Variants in HIF3A observed in about 807,000 individuals in gnomAD.
HIF3A encodes the protein hypoxia inducible factor 3 subunit alpha.
In HIF3A, 41 loss-of-function variants were observed where a neutral mutation model predicts 67.2. That is an observed-to-expected ratio of 0.61 (90% confidence interval 0.48 to 0.79). The LOEUF (loss-of-function observed/expected upper bound fraction) is 0.79. HIF3A is among the 30% of genes least tolerant of loss of function. The pLI, the probability that HIF3A is intolerant of heterozygous loss-of-function variation, is 0.00. For synonymous variants in HIF3A, 356 were observed against 374.8 expected, an observed-to-expected ratio of 0.95 and a Z score of 0.58; for missense variants, 855 against 898.0, an observed-to-expected ratio of 0.95 and a Z score of 0.61.
At chr19:46,330,032 G>A (rs1206155573) in intron 12 of HIF3A, among the ~76,000 whole-genome samples, 1 of 134,610 alleles carries the variant, frequency 7.4e-6, no homozygotes, top group Non-Finnish European at 1.6e-5. Context: ...AAGGAAAGAA[G>A]AAGGAAGGAA....
At chr19:46,320,664 C>G in intron 9 of HIF3A, 103 bp downstream of exon 9, 2 of 790,986 alleles carry the variant, frequency 2.5e-6, no homozygotes, top group South Asian at 3.3e-5. Context: ...GGACCTGCCT[C>G]CTGCCTCCCT....
rs562530564 is a variant in HIF3A, at chr19:46,321,834, C to T, written c.1203C>T (p.Ala401=). The change falls in exon 10 of 15, where the codon GCC becomes GCT. Residue 401 remains alanine (A), a synonymous_variant. Coordinates refer to ENST00000377670, the MANE Select transcript of HIF3A (RefSeq NM_152795.4). Reference sequence around the variant, plus strand: ...ACCCGCCTTCCCTGAGCGAGGCTGCCCTGGCCGCTGACCCCCGCCGTTTCT... The same window carrying T: ...ACCCGCCTTCCCTGAGCGAGGCTGCTCTGGCCGCTGACCCCCGCCGTTTCT... ...FLHPPSLSEA[A]LAADPRRFCS... 2 of 1,613,804 alleles carry T rather than the reference C, an allele frequency of 1.2e-6. No homozygotes were observed. Among genetic ancestry groups the T allele is most frequent in the East Asian group, 4.5e-5 (2 of 44,870 alleles).
chr19:46,304,160 GC>G, intron 2 of HIF3A, 72 bp downstream of exon 2: 1 of 1,377,434 alleles, frequency 7.3e-7, no homozygotes, highest in East Asian at 2.5e-5. Context: ...TCCCAGGGAG[GC>G]CCCTCCTCCG....
intron 3 of HIF3A, among the ~76,000 whole-genome samples, chr19:46,307,702 C>T (rs182364327): frequency 4.7e-5 from 7 of 150,156 alleles, no homozygotes; most frequent in East Asian, 2.0e-4. Flanking sequence ...GAGCTGAGAT[C>T]GCACCACTAC....
At chr19:46,325,178 G>T (rs1427394141) in intron 10 of HIF3A, among the ~76,000 whole-genome samples, 1 of 151,708 alleles carries the variant, frequency 6.6e-6, no homozygotes, top group Non-Finnish European at 1.5e-5. Context: ...TGTACTTTTA[G>T]TAGAGACAGG....
rs368305724 is a variant in HIF3A at position 46,330,293 on chromosome 19, A to G, written c.1712+815A>G. The stretch of plus-strand genomic sequence containing the variant: ...AATGGGTGGACAGGTGGATGGATGC[A>G]TAGGTCGATGGAAGGACAGATGGAT... On this transcript the variant is annotated intron_variant, in intron 12 of 14. Coordinates refer to ENST00000377670, the MANE Select transcript of HIF3A (RefSeq NM_152795.4). Among the ~76,000 whole-genome samples, 29 of 152,248 alleles carry G rather than the reference A, an allele frequency of 1.9e-4. No homozygotes were observed. In the South Asian group the frequency reaches 6.0e-3, roughly 32 times the overall value.
intron 8 of HIF3A, chr19:46,313,025 G>A (rs1012951365): frequency 2.5e-5 from 24 of 972,992 alleles, no homozygotes; most frequent in Non-Finnish European, 2.7e-5. Context: ...TGAGGTGGGC[G>A]GATTGCCTGA....
In HIF3A at chr19:46,308,678, A is replaced by T. The variant is rs147024241; in HGVS notation, c.464A>T (p.Lys155Met). 101 of 1,606,016 alleles carry T rather than the reference A, an allele frequency of 6.3e-5. No individual in the cohort carries two copies. In the African/African-American group the frequency reaches 1.2e-3, roughly 18 times the overall value. The change falls in exon 5 of 15, where the codon AAG becomes ATG. Residue 155 changes from lysine to methionine, a missense_variant. Lys to Met is a moderately conservative substitution (Grantham distance 95, BLOSUM62 -1). Transcript: ENST00000377670. ...LTPQQTLSRR[K>M]VEAPTERCFS... The stretch of plus-strand genomic sequence containing the variant: ...GCCTCCCCAGCCCTGTCCAGGAGGA[A>T]GGTGGAGGCCCCCACGGAGCGGTGC...
chr19:46,329,407 C>T lies in HIF3A; in HGVS notation c.1641C>T (p.Pro547=), dbSNP rs1190752883. ...TGCTACCCCGCTGGGGGAGTGACCCCCGGCTGAGCTGCTCCAGCCCTTCCA... is the reference window on the plus strand; with the variant it reads ...TGCTACCCCGCTGGGGGAGTGACCCTCGGCTGAGCTGCTCCAGCCCTTCCA... The part of the protein sequence containing the change: ...PSLLPRWGSD[P]RLSCSSPSRG... Residue 547 remains proline, a synonymous_variant, in exon 12 of 15, where the codon CCC becomes CCT. Coordinates refer to ENST00000377670, the MANE Select transcript of HIF3A (RefSeq NM_152795.4). 1 of 1,604,722 alleles carries T rather than the reference C, an allele frequency of 6.2e-7. No homozygotes were observed. Among genetic ancestry groups the T allele is most frequent in the Admixed American group, 1.7e-5 (1 of 59,392 alleles).
intron 13 of HIF3A, among the ~76,000 whole-genome samples, chr19:46,334,003 C>G (rs902646780): frequency 4.6e-5 from 7 of 151,986 alleles, no homozygotes; most frequent in African/African-American, 1.2e-4. Flanking sequence ...CCGTGTTATC[C>G]AGGATGGTCT....
intron 11 of HIF3A, among the ~76,000 whole-genome samples, chr19:46,328,584 G>A (rs967631760): frequency 6.6e-6 from 1 of 152,190 alleles, no homozygotes; most frequent in Non-Finnish European, 1.5e-5. Context: ...AGGCAACAGT[G>A]TTGCTAAACT....
chr19:46,323,477 G>A (rs1970537902), intron 10 of HIF3A, among the ~76,000 whole-genome samples: 1 of 152,092 alleles, frequency 6.6e-6, no homozygotes, highest in South Asian at 2.1e-4. Context: ...CACACCCAGT[G>A]TTCTAACAAA....
chr19:46,298,443 G>A (rs1484433092), intron 1 of HIF3A: 8 of 1,282,724 alleles, frequency 6.2e-6, no homozygotes, highest in East Asian at 5.8e-5. Flanking sequence ...ACTCGCACCC[G>A]GGTCCTGGCT....
At chr19:46,331,648 G>C (rs1971237201) in intron 13 of HIF3A, 1 of 159,178 alleles carries the variant, frequency 6.3e-6, no homozygotes, top group East Asian at 1.8e-4. Flanking sequence ...CTGAGGTCGG[G>C]AGTTTGAGAC....
In HIF3A at chr19:46,336,399, C is replaced by G. The variant is rs1021362732; in HGVS notation, c.1912+1413C>G. 3.9e-5 allele frequency among the ~76,000 whole-genome samples: 6 copies of G among 151,976 alleles called. No individual in the cohort carries two copies. The East Asian group carries it at 1.2e-3, about 30-fold the overall frequency. ...TCTCTTTTTTTTGAGAAGGGTCTCG[C>G]TCTGTCACTCAGGCTGGAGTGCAGT... On this transcript the variant is annotated intron_variant, in intron 14 of 14. Transcript: ENST00000377670.
chr19:46,330,722 G>C (rs916486487), intron 12 of HIF3A, among the ~76,000 whole-genome samples: 3 of 150,732 alleles, frequency 2.0e-5, no homozygotes, highest in East Asian at 2.0e-4. Flanking sequence ...TGGATGGATG[G>C]TGGATGGCAG....
At chr19:46,319,925 C>A (rs1970225508) in intron 8 of HIF3A, among the ~76,000 whole-genome samples, 1 of 152,062 alleles carries the variant, frequency 6.6e-6, no homozygotes, top group African/African-American at 2.4e-5. Flanking sequence ...ACTTAACTTT[C>A]TTTTAAAAAT....
intron 13 of HIF3A, 100 bp from the exon 14 acceptor site, chr19:46,334,805 C>T: frequency 1.1e-6 from 1 of 936,254 alleles, no homozygotes. Context: ...ATCCTCTGGC[C>T]TCAGCCCCCG....
chr19:46,334,891 T>C lies in HIF3A; in HGVS notation c.1831-14T>C. The C allele has an allele frequency of 6.2e-7, 1 of 1,602,996 alleles. No homozygotes were observed. Among genetic ancestry groups the C allele is most frequent in the Non-Finnish European group, 8.5e-7 (1 of 1,173,542 alleles). On this transcript the variant is annotated splice_polypyrimidine_tract_variant and intron_variant, in intron 13 of 14. Coordinates refer to ENST00000377670, the MANE Select transcript of HIF3A (RefSeq NM_152795.4). Reference sequence around the variant, plus strand: ...GATGATGATGATGGTGGTGGCTTTGTCTCTCTCCCACAGAGTTTCCTTCTG... The same window carrying C: ...GATGATGATGATGGTGGTGGCTTTGCCTCTCTCCCACAGAGTTTCCTTCTG...
Sources: allele counts gnomAD v4.1 joint callset (sites outside exome capture counted in the v4.1 genomes callset), GRCh38; gene constraint gnomAD v4.1.1; transcripts MANE v1.5; gene names NCBI Gene and HGNC (gene_info 2026-07-23, HGNC 2026-07-21).